Variants in CFAP47 observed in about 807,000 individuals in gnomAD.
CFAP47 encodes cilia and flagella associated protein 47.
Under a neutral mutation model 148.1 loss-of-function variants are expected in CFAP47, and 29 were observed. The ratio of observed to expected loss-of-function variants is 0.20; its 90% CI spans 0.15 to 0.27. The LOEUF (loss-of-function observed/expected upper bound fraction) is 0.27, where lower values mean the gene tolerates loss of function less well. CFAP47 is among the 10% of genes least tolerant of loss of function. The pLI is 1.00. For missense variants in CFAP47, 1,872 were observed against 1,697.5 expected (o/e 1.10, Z -1.81); for synonymous variants, 664 against 577.3 (o/e 1.15, Z -2.15).
chrX:36,263,151 A>G (rs782166453), intron 49 of CFAP47, among the ~76,000 whole-genome samples: 77 of 111,808 alleles, frequency 6.9e-4, no homozygotes, highest in African/African-American at 1.7e-3. Context: ...TGTTCTCTCA[A>G]TCTGTGGGTT....
At chrX:35,921,857 CAG>C (rs1935582902) in intron 1 of CFAP47, among the ~76,000 whole-genome samples, 1 of 111,268 alleles carries the variant, frequency 9.0e-6, no homozygotes, top group African/African-American at 3.3e-5. Flanking sequence ...TATAATCACT[CAG>C]AAAATGATTC....
chrX:36,204,867 A>G (rs1940023375), intron 44 of CFAP47, 90 bp from the exon 45 acceptor site: 1 of 290,995 alleles, frequency 3.4e-6, no homozygotes, highest in Non-Finnish European at 6.0e-6. Context: ...TTTTTCCCCA[A>G]AGGTATAGTC....
At chrX:36,061,131 TAA>T (rs1937590443) in intron 26 of CFAP47, among the ~76,000 whole-genome samples, 1 of 110,261 alleles carries the variant, frequency 9.1e-6, no homozygotes, top group South Asian at 3.9e-4. Context: ...TCTGGTTGTT[TAA>T]AAGTGTGTAG....
intron 39 of CFAP47, 124 bp from the exon 40 acceptor site, chrX:36,179,221 T>A (rs752361475): frequency 1.1e-5 from 3 of 270,985 alleles, no homozygotes; most frequent in South Asian, 2.4e-4. Flanking sequence ...TTTTTTAAAC[T>A]GTAGTTTATT....
Position 36,013,316 on chromosome X carries a change from TTCACC to T in CFAP47, c.3418-1456_3418-1452del, listed in dbSNP as rs761305921. On this transcript the variant is annotated intron_variant, in intron 21 of 63. Coordinates refer to ENST00000378653, the MANE Select transcript of CFAP47 (RefSeq NM_001304548.2). ...GCTCTGAGTGTTAATTGTTTTATGA[TTCACC>T]TGCCTGGGTGCCGATATTGTCAGTC... 2.7e-5 allele frequency among the ~76,000 whole-genome samples: 3 copies of T among 112,113 alleles called. No homozygotes were observed. The South Asian group carries it at 1.1e-3, about 42-fold the overall frequency.
chrX:36,369,766 C>T (rs782368846), intron 62 of CFAP47, among the ~76,000 whole-genome samples: 1 of 111,419 alleles, frequency 9.0e-6, no homozygotes, highest in Non-Finnish European at 1.9e-5. Context: ...GTAGAAGATG[C>T]ATGGCATTTT....
At chrX:36,201,668 T>A (rs782265374) in intron 44 of CFAP47, among the ~76,000 whole-genome samples, 168 bp downstream of exon 44, 21 of 111,754 alleles carry the variant, frequency 1.9e-4, no homozygotes, top group African/African-American at 6.2e-4. Flanking sequence ...CCTTTATACC[T>A]CGTTAAATAA....
chrX:36,262,296 A>G, intron 49 of CFAP47, among the ~76,000 whole-genome samples: 1 of 111,610 alleles, frequency 9.0e-6, no homozygotes, highest in Non-Finnish European at 1.9e-5. Context: ...CTGTTTTGGT[A>G]TCAAATAGTA....
chrX:36,073,687 G>A (rs28454258), intron 29 of CFAP47, among the ~76,000 whole-genome samples: 1,657 of 110,662 alleles, frequency 0.015, 9 homozygotes, highest in Non-Finnish European at 0.021. Context: ...TTTAATATTA[G>A]CCCTAGATCG....
intron 23 of CFAP47, among the ~76,000 whole-genome samples, chrX:36,033,185 AG>A (rs1412566107): frequency 8.0e-5 from 9 of 112,274 alleles, no homozygotes; most frequent in Non-Finnish European, 1.3e-4. Context: ...TGGCAGCAAC[AG>A]AAAACTAACA....
chrX:36,230,524 G>A (rs1192079490), intron 46 of CFAP47, among the ~76,000 whole-genome samples: 1 of 98,841 alleles, frequency 1.0e-5, no homozygotes, highest in Non-Finnish European at 1.9e-5. Context: ...TTTGTCAGCT[G>A]AGTAGGTTGC....
At chrX:36,334,521 A>G (rs1556014548) in intron 57 of CFAP47, among the ~76,000 whole-genome samples, 3 of 111,568 alleles carry the variant, frequency 2.7e-5, no homozygotes, top group Admixed American at 9.6e-5. Context: ...CCTACAAGGT[A>G]TCACCCAATT....
chrX:36,272,083 C>A lies in CFAP47; in HGVS notation c.7445-8404C>A, dbSNP rs193037607. 2.7e-5 allele frequency among the ~76,000 whole-genome samples: 3 copies of A among 111,750 alleles called. No homozygotes were observed. In the Admixed American group the frequency reaches 2.9e-4, roughly 11 times the overall value. On this transcript the variant is annotated intron_variant, in intron 49 of 63. Transcript: ENST00000378653. ...TTGTGACTGAAAAGTTAAAGTTGAG[C>A]AAACTTTGTACTTGATGAGTGCCAA...
chrX:36,299,177 T>C (rs1941274185), intron 52 of CFAP47, 25 bp downstream of exon 52: 1 of 918,084 alleles, frequency 1.1e-6, no homozygotes, highest in African/African-American at 2.0e-5. Flanking sequence ...TGGCATTATA[T>C]TTCATTGTTG....
chrX:36,260,488 C>T (rs1940804614), intron 49 of CFAP47, among the ~76,000 whole-genome samples: 1 of 112,050 alleles, frequency 8.9e-6, no homozygotes, highest in Non-Finnish European at 1.9e-5. Context: ...TTATGATCAG[C>T]ATTTTTTCAT....
chrX:36,116,387 A>T (rs760432644), intron 33 of CFAP47, among the ~76,000 whole-genome samples: 5 of 112,352 alleles, frequency 4.5e-5, no homozygotes, highest in Non-Finnish European at 7.5e-5. Context: ...CCTGCAAAGG[A>T]CATGATTTCA....
chrX:36,260,208 T>G (rs1485725278), intron 49 of CFAP47, among the ~76,000 whole-genome samples: 6 of 111,831 alleles, frequency 5.4e-5, no homozygotes, highest in African/African-American at 2.0e-4. Context: ...ACATAAATTC[T>G]TTTGGTAGAA....
chrX:36,012,480 C>G (rs1197939168), intron 21 of CFAP47, among the ~76,000 whole-genome samples: 1 of 112,000 alleles, frequency 8.9e-6, no homozygotes, highest in African/African-American at 3.3e-5. Context: ...GAATACTATG[C>G]AGCCATAAAA....
intron 25 of CFAP47, 53 bp from the exon 26 acceptor site, chrX:36,046,801 C>CA (rs1440626038): frequency 3.8e-6 from 3 of 798,116 alleles, no homozygotes; most frequent in East Asian, 3.5e-5. Flanking sequence ...CATTTAAAGC[C>CA]AATGACTGGC....
Sources: gnomAD v4.1 joint callset for allele counts (sites outside exome capture counted in the v4.1 genomes callset) on GRCh38, gnomAD v4.1.1 for gene constraint, MANE v1.5 for transcripts, NCBI Gene and HGNC (gene_info 2026-07-23, HGNC 2026-07-21) for gene names.